The following SOBP variants were observed in gnomAD, a reference collection of about 807,000 sequenced individuals.
SOBP encodes sine oculis-binding protein homolog.
Under a neutral mutation model 53.6 loss-of-function variants are expected in SOBP, and 4 were observed. That is an observed-to-expected ratio of 0.07 (90% CI 0.04 to 0.17). SOBP has a LOEUF of 0.17. SOBP is among the 10% of genes least tolerant of loss of function. The pLI is 1.00. For missense variants in SOBP, 1,088 were observed against 1,204.7 expected, an observed-to-expected ratio of 0.90 and a Z score of 1.43; for synonymous variants, 584 against 522.6, an observed-to-expected ratio of 1.12 and a Z score of -1.60.
At chr6:107,552,195 G>C (rs1177681694) in intron 4 of SOBP, among the ~76,000 whole-genome samples, 3 of 152,208 alleles carry the variant, frequency 2.0e-5, no homozygotes, top group East Asian at 3.9e-4. Context: ...ATTTCACCAA[G>C]TTAAACCGAG....
intron 5 of SOBP, among the ~76,000 whole-genome samples, chr6:107,633,301 T>G (rs1770799737): frequency 1.3e-5 from 2 of 152,196 alleles, no homozygotes; most frequent in Non-Finnish European, 2.9e-5. Flanking sequence ...AATAGGAGGT[T>G]GTGATAATTG....
chr6:107,545,507 C>A (rs1401535763), intron 4 of SOBP, among the ~76,000 whole-genome samples: 1 of 152,152 alleles, frequency 6.6e-6, no homozygotes. Context: ...TTCAGCCTCG[C>A]ATGTAATTTT....
chr6:107,508,485 A>G (rs1361368100), intron 3 of SOBP, among the ~76,000 whole-genome samples: 1 of 152,180 alleles, frequency 6.6e-6, no homozygotes, highest in Non-Finnish European at 1.5e-5. Context: ...AGGCTGAGGC[A>G]GGAGAATCGC....
At chr6:107,528,814 A>G (rs1230574614) in intron 3 of SOBP, among the ~76,000 whole-genome samples, 1 of 152,156 alleles carries the variant, frequency 6.6e-6, no homozygotes, top group Non-Finnish European at 1.5e-5. Context: ...GTGGTCTCTA[A>G]GGTGTAGTGG....
chr6:107,556,866 A>G (rs1175476552), intron 4 of SOBP, among the ~76,000 whole-genome samples: 1 of 152,256 alleles, frequency 6.6e-6, no homozygotes, highest in Non-Finnish European at 1.5e-5. Context: ...CAGGTGACTG[A>G]TGAAAGAGAA....
chr6:107,627,652 C>CA (rs1389308655), intron 5 of SOBP, among the ~76,000 whole-genome samples: 1 of 151,984 alleles, frequency 6.6e-6, no homozygotes, highest in Non-Finnish European at 1.5e-5. Flanking sequence ...GACAAACAAA[C>CA]AAAAAAACCC....
chr6:107,638,753 T>A (rs947692921), intron 6 of SOBP, among the ~76,000 whole-genome samples: 3 of 152,158 alleles, frequency 2.0e-5, no homozygotes, highest in Admixed American at 6.5e-5. Flanking sequence ...TTTCTCCGTG[T>A]GCTTGTTGGT....
intron 6 of SOBP, among the ~76,000 whole-genome samples, chr6:107,652,547 A>T (rs1390609539): frequency 6.6e-6 from 1 of 152,234 alleles, no homozygotes; most frequent in Non-Finnish European, 1.5e-5. Flanking sequence ...TGAAATTACA[A>T]CAAAGGATTT....
At chr6:107,647,730 C>A (rs764344284) in intron 6 of SOBP, among the ~76,000 whole-genome samples, 1 of 152,016 alleles carries the variant, frequency 6.6e-6, no homozygotes, top group Non-Finnish European at 1.5e-5. Context: ...CCTCATCTGC[C>A]TTTCCTCTCG....
At chr6:107,579,981 TCCTACAG>T (rs1234512667) in intron 4 of SOBP, among the ~76,000 whole-genome samples, 8 of 152,196 alleles carry the variant, frequency 5.3e-5, no homozygotes, top group Non-Finnish European at 1.2e-4. Flanking sequence ...AAACAGCTTT[TCCTACAG>T]CCTACATACT....
Position 107,633,571 on chromosome 6 carries a change from G to A in SOBP, c.727G>A (p.Gly243Arg). 6 of 1,614,186 alleles carry A rather than the reference G, an allele frequency of 3.7e-6. No individual in the cohort carries two copies. Among genetic ancestry groups the A allele is most frequent in the East Asian group, 2.2e-5 (1 of 44,886 alleles). ...HTKEYLDFGD[G>R]ERRLQFCSAK... ...AAAAGAATACCTGGATTTTGGGGAC[G>A]GGGAAAGAAGGCTTCAGTTCTGCAG... Residue 243 changes from glycine to arginine, a missense_variant, in exon 6 of 7, where the codon GGG becomes AGG. Transcript: ENST00000317357.
intron 6 of SOBP, among the ~76,000 whole-genome samples, chr6:107,636,986 T>TA (rs998624354): frequency 3.3e-5 from 5 of 151,696 alleles, no homozygotes; most frequent in African/African-American, 1.2e-4. Context: ...CTGCATTTTT[T>TA]AAAAAACCAC....
chr6:107,494,662 T>A (rs1398171526), intron 1 of SOBP, among the ~76,000 whole-genome samples: 1 of 152,224 alleles, frequency 6.6e-6, no homozygotes, highest in African/African-American at 2.4e-5. Context: ...TCTTTATCAA[T>A]TGCTAAACTA....
At chr6:107,620,083 C>T (rs904057843) in intron 5 of SOBP, among the ~76,000 whole-genome samples, 1 of 152,222 alleles carries the variant, frequency 6.6e-6, no homozygotes, top group Non-Finnish European at 1.5e-5. Flanking sequence ...GCCATTGCCA[C>T]TCATCCCTGT....
At chr6:107,577,338 G>C (rs1228491678) in intron 4 of SOBP, among the ~76,000 whole-genome samples, 1 of 152,218 alleles carries the variant, frequency 6.6e-6, no homozygotes, top group African/African-American at 2.4e-5. Flanking sequence ...TAGGAGTGGA[G>C]GGTGTTGTGG....
chr6:107,548,262 T>G (rs1275306902), intron 4 of SOBP, among the ~76,000 whole-genome samples: 2 of 151,738 alleles, frequency 1.3e-5, no homozygotes, highest in African/African-American at 2.4e-5. Context: ...CTTTTTGTTT[T>G]TTTTTTTTTG....
At chr6:107,535,945 A>G (rs1285478322) in intron 4 of SOBP, among the ~76,000 whole-genome samples, 1 of 152,202 alleles carries the variant, frequency 6.6e-6, no homozygotes, top group Non-Finnish European at 1.5e-5. Flanking sequence ...TCATTTAACA[A>G]AGTCCTTAGT....
intron 5 of SOBP, among the ~76,000 whole-genome samples, chr6:107,625,660 G>A (rs527275442): frequency 1.6e-4 from 25 of 152,346 alleles, no homozygotes; most frequent in Non-Finnish European, 3.5e-4. Context: ...ATACAACCCA[G>A]GGAGTGAGGA....
intron 4 of SOBP, among the ~76,000 whole-genome samples, chr6:107,535,536 T>C (rs1191509100): frequency 3.9e-5 from 6 of 152,126 alleles, no homozygotes; most frequent in Non-Finnish European, 7.4e-5. Context: ...TGTCTGTTAG[T>C]GTACAAACAA....
Sources: allele counts gnomAD v4.1 joint callset (sites outside exome capture counted in the v4.1 genomes callset), GRCh38; gene constraint gnomAD v4.1.1; transcripts MANE v1.5; gene names NCBI Gene and HGNC (gene_info 2026-07-23, HGNC 2026-07-21).